ERCC8: variants seen among roughly 807,000 people sequenced by gnomAD.
ERCC8 encodes DNA excision repair protein ERCC-8.
ERCC8 carries 52 observed loss-of-function variants against 54.9 expected under a neutral mutation model. The observed-to-expected ratio is 0.95, with a 90% CI of 0.76 to 1.19. The LOEUF is 1.19. Among genes scored for constraint, ERCC8 ranks in the 50% most tolerant of loss-of-function variants. The pLI, the probability that ERCC8 is intolerant of heterozygous loss-of-function variation, is 0.00. For synonymous variants in ERCC8, 146 were observed against 157.2 expected (o/e 0.93, Z 0.53); for missense variants, 514 against 466.1 (o/e 1.10, Z -0.95).
chr5:60,877,854 A>G (rs1748063568), intron 11 of ERCC8, among the ~76,000 whole-genome samples: 1 of 152,100 alleles, frequency 6.6e-6, no homozygotes, highest in Non-Finnish European at 1.5e-5. Flanking sequence ...CTAACTGAAT[A>G]CCCTTTATTT....
Position 60,870,482 on chromosome 5 carries a change from T to TAAAAAAAAAAAAA in ERCC8, c.*4120_*4132dup, listed in dbSNP as rs57423118. 2.0e-5 allele frequency among the ~76,000 whole-genome samples: 1 copy of TAAAAAAAAAAAAA among 48,806 alleles called. No homozygotes were observed. The highest frequency in any genetic ancestry group is 3.4e-5 in the Non-Finnish European group (1 of 29,344). 32.0% of individuals were successfully genotyped at this position (48,806 alleles called of 152,430 possible). A position where few individuals can be genotyped will look rare whatever the true frequency, so the allele number is the denominator to read the frequency against. ...CAACATGGTGAAACCCCACCTCTGCTAAAAAAAAAAAAAAAAAAAAAAAAA... is the reference window on the plus strand; with the variant it reads ...CAACATGGTGAAACCCCACCTCTGCTAAAAAAAAAAAAAAAAAAAAAAAAAAAAAAAAAAAAAA... On this transcript the variant is annotated 3_prime_UTR_variant, in exon 12 of 12. Transcript: ENST00000676185.
rs1178758336 is a variant in ERCC8, at chr5:60,869,281, TTTTCC to T, written c.*5329_*5333del. Reference sequence around the variant, plus strand: ...CCTTATTTAAGTACCTAATTTGAGGTTTTCCTTTCCATTGTGAAATAGTGATTTTG... The same window carrying T: ...CCTTATTTAAGTACCTAATTTGAGGTTTTCCATTGTGAAATAGTGATTTTG... On this transcript the variant is annotated 3_prime_UTR_variant, in exon 12 of 12. Coordinates refer to ENST00000676185, the MANE Select transcript of ERCC8 (RefSeq NM_000082.4). 6.6e-6 allele frequency among the ~76,000 whole-genome samples: 1 copy of T among 152,152 alleles called. No individual in the cohort carries two copies. Among genetic ancestry groups the T allele is most frequent in the East Asian group, 1.9e-4 (1 of 5,200 alleles).
chr5:60,944,056 T>C (rs1254308481), intron 1 of ERCC8, among the ~76,000 whole-genome samples: 1 of 152,202 alleles, frequency 6.6e-6, no homozygotes. Context: ...AAAGTACAAC[T>C]TGCTTCTTCC....
At chr5:60,919,699 A>G (rs1749546905) in intron 3 of ERCC8, 1 of 152,014 alleles carries the variant, frequency 6.6e-6, no homozygotes, top group African/African-American at 2.4e-5. Flanking sequence ...TAATACTGAT[A>G]TAGGATAAAT....
chr5:60,903,556 A>G lies in ERCC8; in HGVS notation c.550+92T>C, dbSNP rs542550501. The G allele has an allele frequency of 3.8e-6, 6 of 1,578,568 alleles. No homozygotes were observed. The Admixed American group carries it at 8.9e-5, about 23-fold the overall frequency. ...ACAACCAGCACAAAGTACATTAGTC[A>G]TGTCACTTACAAAGAATACACTGTT... On this transcript the variant is annotated intron_variant, in intron 6 of 11. Transcript: ENST00000676185.
chr5:60,879,363 G>A (rs1160589814), intron 11 of ERCC8, among the ~76,000 whole-genome samples: 1 of 152,190 alleles, frequency 6.6e-6, no homozygotes, highest in East Asian at 1.9e-4. Context: ...GGGGTGGAGA[G>A]TTCTGTAGAT....
chr5:60,892,958 C>G (rs1019801494), intron 9 of ERCC8: 6 of 762,394 alleles, frequency 7.9e-6, no homozygotes, highest in Non-Finnish European at 1.2e-5. Context: ...CCAGAACCCT[C>G]ATGAGGTTTT....
Position 60,918,249 on chromosome 5 carries a change from G to A in ERCC8, c.399+16C>T. On this transcript the variant is annotated intron_variant, in intron 4 of 11. Transcript: ENST00000676185. Reference sequence around the variant, plus strand: ...TTATCCTACAAAGCAATCTGCAAATGTTTTAATGTACTTACTTGTAATGTA... The same window carrying A: ...TTATCCTACAAAGCAATCTGCAAATATTTTAATGTACTTACTTGTAATGTA... The A allele has an allele frequency of 1.9e-6, 3 of 1,576,116 alleles. No homozygotes were observed. Among genetic ancestry groups the A allele is most frequent in the Non-Finnish European group, 2.6e-6 (3 of 1,146,952 alleles).
chr5:60,899,467 T>C (rs1282415089), intron 8 of ERCC8, among the ~76,000 whole-genome samples, 160 bp downstream of exon 8: 1 of 152,058 alleles, frequency 6.6e-6, no homozygotes, highest in African/African-American at 2.4e-5. Context: ...AATCATAATT[T>C]AGTTTATGTA....
rs187434424 is a variant in ERCC8, at chr5:60,878,502, G to A, written c.1123-3819C>T. On this transcript the variant is annotated intron_variant, in intron 11 of 11. Transcript: ENST00000676185. ...TTCGGCTGTCAATCCATCTGGTCCTGGACTTTTTTTGGTTGGTAAGCTATC... is the reference window on the plus strand; with the variant it reads ...TTCGGCTGTCAATCCATCTGGTCCTAGACTTTTTTTGGTTGGTAAGCTATC... Among the ~76,000 whole-genome samples, 45 of 152,224 alleles carry A rather than the reference G, an allele frequency of 3.0e-4. No individual in the cohort carries two copies. In the East Asian group the frequency reaches 7.0e-3, roughly 24 times the overall value.
At chr5:60,944,543 C>T (rs1001523006) in intron 1 of ERCC8, among the ~76,000 whole-genome samples, 5 of 152,196 alleles carry the variant, frequency 3.3e-5, no homozygotes, top group Admixed American at 2.6e-4. Flanking sequence ...CTTTAATAGG[C>T]TGCCTGGCAC....
chr5:60,911,596 T>G (rs987973059), intron 4 of ERCC8, among the ~76,000 whole-genome samples: 2 of 152,192 alleles, frequency 1.3e-5, no homozygotes, highest in African/African-American at 4.8e-5. Flanking sequence ...TTAGTTTAAT[T>G]AGATCCCACT....
chr5:60,908,360 T>C (rs866428667), intron 4 of ERCC8, among the ~76,000 whole-genome samples: 3 of 151,966 alleles, frequency 2.0e-5, no homozygotes, highest in African/African-American at 7.2e-5. Flanking sequence ...GTATATTCAG[T>C]GTAGACCTCA....
chr5:60,880,504 A>T (rs924718555), intron 11 of ERCC8, among the ~76,000 whole-genome samples: 12 of 152,204 alleles, frequency 7.9e-5, no homozygotes, highest in African/African-American at 2.9e-4. Flanking sequence ...AGGTACACCA[A>T]TCAGATGTAG....
intron 9 of ERCC8, among the ~76,000 whole-genome samples, chr5:60,896,094 C>G (rs1440671652): frequency 6.6e-6 from 1 of 152,122 alleles, no homozygotes; most frequent in Non-Finnish European, 1.5e-5. Context: ...TCAAGTGATT[C>G]TCCTGCCTCA....
At chr5:60,912,254 C>T (rs1247607361) in intron 4 of ERCC8, among the ~76,000 whole-genome samples, 3 of 151,998 alleles carry the variant, frequency 2.0e-5, no homozygotes, top group Non-Finnish European at 2.9e-5. Flanking sequence ...TGTTTGTGTC[C>T]TCTTTTATTT....
intron 1 of ERCC8, among the ~76,000 whole-genome samples, chr5:60,936,704 T>C (rs1386240012): frequency 2.6e-5 from 4 of 152,172 alleles, no homozygotes; most frequent in African/African-American, 9.7e-5. Flanking sequence ...ATCCCAGAGG[T>C]TTTGACAGGT....
Position 60,869,765 on chromosome 5 carries a change from T to C in ERCC8, c.*4850A>G, listed in dbSNP as rs1488623638. On this transcript the variant is annotated 3_prime_UTR_variant, in exon 12 of 12. Transcript: ENST00000676185. ...TGCATTTATTATTTCTACATATTTT[T>C]TTAAAACTAGGCATTTCATAGGTGT... Among the ~76,000 whole-genome samples the C allele has an allele frequency of 6.6e-6, 1 of 152,222 alleles. No homozygotes were observed. Among genetic ancestry groups the C allele is most frequent in the Non-Finnish European group, 1.5e-5 (1 of 68,042 alleles).
intron 1 of ERCC8, among the ~76,000 whole-genome samples, chr5:60,942,986 T>A (rs1306342480): frequency 6.6e-6 from 1 of 152,100 alleles, no homozygotes; most frequent in African/African-American, 2.4e-5. Flanking sequence ...TTTAAAAAAA[T>A]TTTAGGCTGT....
Sources: gnomAD v4.1 joint callset for allele counts (sites outside exome capture counted in the v4.1 genomes callset) on GRCh38, gnomAD v4.1.1 for gene constraint, MANE v1.5 for transcripts, NCBI Gene and HGNC (gene_info 2026-07-23, HGNC 2026-07-21) for gene names.